FRAS1: variants seen among roughly 807,000 people sequenced by gnomAD.
The protein encoded by FRAS1 is Fraser extracellular matrix complex subunit 1, also known as extracellular matrix organizing protein FRAS1.
In FRAS1, 290 loss-of-function variants were observed where a neutral mutation model predicts 435.2. The ratio of observed to expected loss-of-function variants is 0.67; its 90% confidence interval spans 0.61 to 0.73. FRAS1 has a LOEUF of 0.73. FRAS1 is among the 30% of genes least tolerant of loss of function. FRAS1 has a pLI of 0.00. For synonymous variants in FRAS1, 1,800 were observed against 1,851.0 expected (o/e 0.97, Z 0.71); for missense variants, 4,860 against 5,001.5 (o/e 0.97, Z 0.85).
rs970805228 is a variant in FRAS1 at position 78,304,687 on chromosome 4, T to C, written c.1535-3379T>C. Reference sequence around the variant, plus strand: ...TGTAGTATTCTCTGATGGTAGTTTGTATTTCTGTGGGATAGGTGGTGATAT... The same window carrying C: ...TGTAGTATTCTCTGATGGTAGTTTGCATTTCTGTGGGATAGGTGGTGATAT... On this transcript the variant is annotated intron_variant, in intron 14 of 73. Coordinates refer to ENST00000512123, the MANE Select transcript of FRAS1 (RefSeq NM_025074.7). Among the ~76,000 whole-genome samples, 29 of 152,280 alleles carry C rather than the reference T, an allele frequency of 1.9e-4. 1 individual carries two copies. Among genetic ancestry groups the C allele is most frequent in the African/African-American group, 6.5e-4 (27 of 41,556 alleles).
intron 58 of FRAS1, among the ~76,000 whole-genome samples, chr4:78,487,390 C>T (rs769992367): frequency 6.6e-6 from 1 of 152,144 alleles, no homozygotes; most frequent in Non-Finnish European, 1.5e-5. Flanking sequence ...GCTTATCACC[C>T]CTCCTCTCAT....
chr4:78,358,021 T>C (rs74326935), intron 20 of FRAS1, among the ~76,000 whole-genome samples: 1 of 152,292 alleles, frequency 6.6e-6, no homozygotes, highest in Non-Finnish European at 1.5e-5. Flanking sequence ...CCATGCTTCC[T>C]GGTCCAATGG....
At chr4:78,307,354 G>GAGGC (rs535440258) in intron 14 of FRAS1, among the ~76,000 whole-genome samples, 112 of 152,366 alleles carry the variant, frequency 7.4e-4, no homozygotes, top group African/African-American at 2.4e-3. Flanking sequence ...GGAGCCTATA[G>GAGGC]AGGCAGGCAG....
chr4:78,409,695 A>G (rs6815795), intron 31 of FRAS1, among the ~76,000 whole-genome samples: 57,604 of 152,036 alleles, frequency 0.38, 10,907 homozygotes, highest in African/African-American at 0.39. Context: ...GTTTAAGCAC[A>G]GATACCAAGA....
chr4:78,278,592 A>G (rs999418761), intron 9 of FRAS1, 63 bp from the exon 10 acceptor site: 27 of 943,874 alleles, frequency 2.9e-5, no homozygotes, highest in Non-Finnish European at 4.5e-5. Context: ...CTGCTTCTCA[A>G]TTTAGCCCTG....
At chr4:78,173,031 G>A (rs145106285) in intron 2 of FRAS1, among the ~76,000 whole-genome samples, 1 of 151,656 alleles carries the variant, frequency 6.6e-6, no homozygotes, top group Non-Finnish European at 1.5e-5. Flanking sequence ...TAGAAGATGG[G>A]TGCGAATCTT....
At chr4:78,402,119 A>G (rs1222566377) in intron 30 of FRAS1, among the ~76,000 whole-genome samples, 1 of 135,626 alleles carries the variant, frequency 7.4e-6, no homozygotes, top group African/African-American at 2.9e-5. Flanking sequence ...AAAAGAAGGA[A>G]TTAAAACTGT....
chr4:78,213,739 A>G (rs1723618342), intron 2 of FRAS1, among the ~76,000 whole-genome samples: 1 of 152,176 alleles, frequency 6.6e-6, no homozygotes, highest in African/African-American at 2.4e-5. Flanking sequence ...AAATGGCTTT[A>G]AATAATTTTT....
chr4:78,362,152 A>G (rs1238896022), intron 20 of FRAS1, among the ~76,000 whole-genome samples: 1 of 152,230 alleles, frequency 6.6e-6, no homozygotes, highest in Non-Finnish European at 1.5e-5. Context: ...GTATTGGGTC[A>G]TAAAAATGAC....
In FRAS1 at chr4:78,387,436, C is replaced by A. The variant is rs1034510493; in HGVS notation, c.3710C>A (p.Thr1237Asn). ...AGCAGAGGAGAGAGGGCAACCATCA[C>A]CACCCAGATGCTTGACATCCGAGAT... is the stretch of plus-strand genomic sequence containing the variant. ...HISRGERATITTQMLDIRDDD... is the reference protein window; with the variant it reads ...HISRGERATINTQMLDIRDDD... The change falls in exon 29 of 74, where the codon ACC (threonine) becomes AAC (asparagine). Residue 1237 changes from threonine (T) to asparagine (N), a missense_variant. By Grantham distance (65) the Thr-to-Asn change is moderately conservative. Transcript: ENST00000512123. 2 of 1,613,682 alleles carry A rather than the reference C, an allele frequency of 1.2e-6. No individual in the cohort carries two copies. The highest frequency in any genetic ancestry group is 1.7e-6 in the Non-Finnish European group (2 of 1,179,782).
intron 2 of FRAS1, among the ~76,000 whole-genome samples, chr4:78,069,636 C>T (rs574286468): frequency 1.3e-5 from 2 of 152,150 alleles, no homozygotes; most frequent in South Asian, 2.1e-4. Flanking sequence ...GTTGCAAAGA[C>T]GATAATATGG....
chr4:78,184,853 C>G (rs927942407), intron 2 of FRAS1, among the ~76,000 whole-genome samples: 40 of 152,232 alleles, frequency 2.6e-4, no homozygotes, highest in African/African-American at 9.4e-4. Context: ...TGAAATCTCA[C>G]AGCAGCATCT....
At position 78,088,292 on chromosome 4, in the gene FRAS1, G is replaced by T. The variant is rs191325603; in HGVS notation, c.108+22276G>T. Among the ~76,000 whole-genome samples the T allele has an allele frequency of 8.9e-4, 135 of 152,330 alleles. 1 individual carries two copies. The highest frequency in any genetic ancestry group is 3.1e-3 in the African/African-American group (130 of 41,580). Reference sequence around the variant, plus strand: ...AAAAATTAATTCAAGATGGATTAAAGACTTAGATGTTAGACCTAAAACCAT... The same window carrying T: ...AAAAATTAATTCAAGATGGATTAAATACTTAGATGTTAGACCTAAAACCAT... On this transcript the variant is annotated intron_variant, in intron 2 of 73. Coordinates refer to ENST00000512123, the MANE Select transcript of FRAS1 (RefSeq NM_025074.7).
In FRAS1 at chr4:78,479,451, G is replaced by C. The variant is rs1297835689; in HGVS notation, c.8176G>C (p.Glu2726Gln). 6.2e-7 allele frequency: 1 copy of C among 1,603,286 alleles called. No homozygotes were observed. The highest frequency in any genetic ancestry group is 8.5e-7 in the Non-Finnish European group (1 of 1,173,050). The part of the protein sequence containing the change: ...SAMGSSLYAL[E>Q]SGSDFKSRGM... ...TATGGGAAGTAGCCTCTATGCTCTAGAATCAGGCTCTGATTTTAAATCTAG... is the reference window on the plus strand; with the variant it reads ...TATGGGAAGTAGCCTCTATGCTCTACAATCAGGCTCTGATTTTAAATCTAG... Residue 2726 changes from glutamate (E) to glutamine (Q), a missense_variant, in exon 56 of 74, where the codon GAA becomes CAA. Coordinates refer to ENST00000512123, the MANE Select transcript of FRAS1 (RefSeq NM_025074.7).
chr4:78,381,306 A>T (rs1443463554), intron 27 of FRAS1, among the ~76,000 whole-genome samples: 1 of 152,128 alleles, frequency 6.6e-6, no homozygotes, highest in Non-Finnish European at 1.5e-5. Context: ...TACTATAAGT[A>T]TTATTATTGT....
intron 20 of FRAS1, among the ~76,000 whole-genome samples, chr4:78,346,265 C>G (rs1578265977): frequency 6.6e-6 from 1 of 152,334 alleles, no homozygotes; most frequent in Non-Finnish European, 1.5e-5. Flanking sequence ...ACTAATAACT[C>G]ATGTTTATTG....
intron 3 of FRAS1, among the ~76,000 whole-genome samples, chr4:78,241,129 C>G (rs578153477): frequency 1.3e-5 from 2 of 152,230 alleles, no homozygotes; most frequent in East Asian, 3.9e-4. Context: ...GCCATCCTTT[C>G]AGGAGCTTGA....
At chr4:78,482,122 G>A (rs763765760) in intron 57 of FRAS1, among the ~76,000 whole-genome samples, 158 bp downstream of exon 57, 12 of 152,122 alleles carry the variant, frequency 7.9e-5, no homozygotes, top group Non-Finnish European at 1.3e-4. Flanking sequence ...TAACTTAGGA[G>A]GGGATCTTCT....
At chr4:78,148,812 A>G (rs528565055) in intron 2 of FRAS1, among the ~76,000 whole-genome samples, 21 of 152,314 alleles carry the variant, frequency 1.4e-4, no homozygotes, top group East Asian at 9.7e-4. Context: ...ATTATTGTGA[A>G]TTATAGTGAC....
Sources: gnomAD v4.1 joint callset for allele counts (sites outside exome capture counted in the v4.1 genomes callset) on GRCh38, gnomAD v4.1.1 for gene constraint, MANE v1.5 for transcripts, NCBI Gene and HGNC (gene_info 2026-07-23, HGNC 2026-07-21) for gene names.